TBC1D4: variants seen among roughly 807,000 people sequenced by gnomAD.
TBC1D4 encodes the protein TBC (Tre-2, BUB2, CDC16) domain-containing protein.
TBC1D4 carries 121 observed loss-of-function variants against 142.5 expected under a neutral mutation model. The ratio of observed to expected loss-of-function variants is 0.85; its 90% CI spans 0.73 to 0.99. TBC1D4 has a LOEUF of 0.99. Ranked by LOEUF, TBC1D4 falls within the 50% of genes least tolerant of loss-of-function variation. The pLI, the probability that TBC1D4 is intolerant of heterozygous loss-of-function variation, is 0.00. For missense variants in TBC1D4, 1,475 were observed against 1,606.6 expected (o/e 0.92, Z 1.40); for synonymous variants, 630 against 628.2 (o/e 1.00, Z -0.04).
At chr13:75,351,674 GT>G (rs1191872616) in intron 4 of TBC1D4, among the ~76,000 whole-genome samples, 28 of 150,378 alleles carry the variant, frequency 1.9e-4, no homozygotes, top group Non-Finnish European at 7.4e-5. Context: ...GCGGTGTTTG[GT>G]TTTTTTGTCC....
intron 1 of TBC1D4, among the ~76,000 whole-genome samples, chr13:75,367,240 TTAAA>T (rs1882967497): frequency 6.6e-6 from 1 of 152,176 alleles, no homozygotes; most frequent in African/African-American, 2.4e-5. Flanking sequence ...ATTATACTGT[TTAAA>T]TAATCACAAG....
At chr13:75,430,292 C>T (rs1397877956) in intron 1 of TBC1D4, among the ~76,000 whole-genome samples, 1 of 152,162 alleles carries the variant, frequency 6.6e-6, no homozygotes, top group Non-Finnish European at 1.5e-5. Flanking sequence ...AAATATACAT[C>T]GCTTTAAAGG....
At chr13:75,423,205 T>A (rs1886239126) in intron 1 of TBC1D4, among the ~76,000 whole-genome samples, 1 of 152,122 alleles carries the variant, frequency 6.6e-6, no homozygotes, top group African/African-American at 2.4e-5. Context: ...TTTTCATATA[T>A]CTGCATTAAT....
intron 3 of TBC1D4, 21 bp from the exon 4 acceptor site, chr13:75,356,272 G>T: frequency 6.6e-7 from 1 of 1,521,752 alleles, no homozygotes; most frequent in Non-Finnish European, 9.1e-7. Flanking sequence ...GGGAAGAAGT[G>T]CAATAAAAAT....
intron 17 of TBC1D4, among the ~76,000 whole-genome samples, chr13:75,297,072 T>C (rs1038361047): frequency 2.0e-5 from 3 of 152,204 alleles, no homozygotes; most frequent in African/African-American, 7.2e-5. Flanking sequence ...TATCTCACTT[T>C]AAAATGCAAA....
intron 13 of TBC1D4, among the ~76,000 whole-genome samples, chr13:75,311,926 T>C (rs1329733406): frequency 3.3e-5 from 5 of 152,166 alleles, no homozygotes; most frequent in African/African-American, 1.2e-4. Context: ...GCTTATTTAT[T>C]TGTGTTACTC....
chr13:75,288,801 TTGGACAG>T, intron 20 of TBC1D4, 126 bp downstream of exon 20: 1 of 946,178 alleles, frequency 1.1e-6, no homozygotes, highest in Admixed American at 2.0e-5. Flanking sequence ...CCCAGAGCAC[TTGGACAG>T]TCTGATACAT....
intron 2 of TBC1D4, 86 bp downstream of exon 2, chr13:75,361,940 A>C (rs1882555924): frequency 4.2e-6 from 6 of 1,434,034 alleles, no homozygotes; most frequent in Non-Finnish European, 4.9e-6. Context: ...CGTTATATAG[A>C]GGTGGAGCTG....
At chr13:75,347,884 T>A (rs1173847650) in intron 5 of TBC1D4, among the ~76,000 whole-genome samples, 1 of 152,178 alleles carries the variant, frequency 6.6e-6, no homozygotes, top group Non-Finnish European at 1.5e-5. Flanking sequence ...GCCTGTAATC[T>A]CAGCACTTTG....
At chr13:75,480,617 TA>T (rs1392019665) in intron 1 of TBC1D4, among the ~76,000 whole-genome samples, 1 of 152,208 alleles carries the variant, frequency 6.6e-6, no homozygotes, top group African/African-American at 2.4e-5. Flanking sequence ...TAAGTGTGTT[TA>T]AAAACCGCAA....
At chr13:75,376,390 T>C (rs1883510756) in intron 1 of TBC1D4, among the ~76,000 whole-genome samples, 13 of 151,214 alleles carry the variant, frequency 8.6e-5, no homozygotes, top group Admixed American at 8.6e-4. Context: ...TTTTTTTTTT[T>C]TTTTTGAGAT....
chr13:75,427,251 C>A (rs1247872111), intron 1 of TBC1D4, among the ~76,000 whole-genome samples: 11 of 152,150 alleles, frequency 7.2e-5, no homozygotes. Context: ...CCGCGCCTGA[C>A]TAATTTTTTG....
intron 12 of TBC1D4, among the ~76,000 whole-genome samples, chr13:75,314,425 G>A (rs116094763): frequency 0.012 from 1,785 of 152,110 alleles, 33 homozygotes; most frequent in African/African-American, 0.039. Flanking sequence ...TCTGCCTATC[G>A]TATCTTTATT....
At chr13:75,319,862 T>C in intron 12 of TBC1D4, 152 bp downstream of exon 12, 1 of 678,934 alleles carries the variant, frequency 1.5e-6, no homozygotes, top group South Asian at 1.9e-5. Flanking sequence ...ACACCAAGGG[T>C]CACATTTTCC....
chr13:75,417,399 C>G (rs1885967387), intron 1 of TBC1D4, among the ~76,000 whole-genome samples: 1 of 152,158 alleles, frequency 6.6e-6, no homozygotes. Context: ...CCTTTGGAGT[C>G]TGAGAGTGGT....
intron 18 of TBC1D4, among the ~76,000 whole-genome samples, chr13:75,294,145 A>C (rs975402550): frequency 1.3e-5 from 2 of 152,224 alleles, no homozygotes; most frequent in African/African-American, 4.8e-5. Flanking sequence ...TAACAGACTT[A>C]GACTAGTATA....
rs752203792 is a variant in TBC1D4 at position 75,356,184 on chromosome 13, T to A, written c.1238A>T (p.Tyr413Phe). The A allele has an allele frequency of 1.2e-6, 2 of 1,613,726 alleles. No individual in the cohort carries two copies. Among genetic ancestry groups the A allele is most frequent in the Non-Finnish European group, 1.7e-6 (2 of 1,179,778 alleles). Residue 413 changes from tyrosine to phenylalanine, a missense_variant, in exon 4 of 21, where the codon TAT becomes TTT. Coordinates refer to ENST00000377636, the MANE Select transcript of TBC1D4 (RefSeq NM_014832.5). ...GGCACACTGGAATACATAACAAATATACTGGCTAAGTCCAGGCTCTGGAGA... is the reference window on the plus strand; with the variant it reads ...GGCACACTGGAATACATAACAAATAAACTGGCTAAGTCCAGGCTCTGGAGA... ...RESPEPGLSQYICYVFQCASE... is the reference protein window; with the variant it reads ...RESPEPGLSQFICYVFQCASE...
intron 3 of TBC1D4, among the ~76,000 whole-genome samples, 193 bp from the exon 4 acceptor site, chr13:75,356,444 A>T (rs1882056325): frequency 6.6e-6 from 1 of 152,234 alleles, no homozygotes; most frequent in Non-Finnish European, 1.5e-5. Flanking sequence ...AGGTGAGACC[A>T]ACTCAGACTG....
chr13:75,371,237 A>G (rs1343914077), intron 1 of TBC1D4, among the ~76,000 whole-genome samples: 1 of 152,222 alleles, frequency 6.6e-6, no homozygotes, highest in Non-Finnish European at 1.5e-5. Flanking sequence ...AGGAGAAACA[A>G]GTGAGTCAAG....
Sources: gnomAD v4.1 joint callset for allele counts (sites outside exome capture counted in the v4.1 genomes callset) on GRCh38, gnomAD v4.1.1 for gene constraint, MANE v1.5 for transcripts, NCBI Gene and HGNC (gene_info 2026-07-23, HGNC 2026-07-21) for gene names.